MTHFD1L: variants seen among roughly 807,000 people sequenced by gnomAD.
MTHFD1L encodes the protein methylenetetrahydrofolate dehydrogenase (NADP+ dependent) 1 like, also known as monofunctional C1-tetrahydrofolate synthase, mitochondrial.
In MTHFD1L, 81 loss-of-function variants were observed where a neutral mutation model predicts 119.5. The ratio of observed to expected loss-of-function variants is 0.68; its 90% CI spans 0.57 to 0.82. The LOEUF (loss-of-function observed/expected upper bound fraction) is 0.82. MTHFD1L is among the 40% of genes least tolerant of loss of function. The pLI, the probability that MTHFD1L is intolerant of heterozygous loss-of-function variation, is 0.00. For synonymous variants in MTHFD1L, 430 were observed against 475.2 expected, an observed-to-expected ratio of 0.90 and a Z score of 1.24; for missense variants, 1,125 against 1,253.4, an observed-to-expected ratio of 0.90 and a Z score of 1.55.
intron 20 of MTHFD1L, among the ~76,000 whole-genome samples, chr6:150,978,550 A>G (rs1047820392): frequency 1.3e-5 from 2 of 152,160 alleles, no homozygotes; most frequent in Non-Finnish European, 2.9e-5. Flanking sequence ...TGCCTCAGAC[A>G]TTTCAGGATT....
At chr6:150,924,594 G>A (rs534964098) in intron 10 of MTHFD1L, among the ~76,000 whole-genome samples, 34 of 152,066 alleles carry the variant, frequency 2.2e-4, no homozygotes, top group African/African-American at 5.8e-4. Flanking sequence ...GTCCTGCCTC[G>A]GCCTCCCGAG....
intron 18 of MTHFD1L, among the ~76,000 whole-genome samples, chr6:150,964,759 C>T (rs973963649): frequency 2.6e-5 from 4 of 152,190 alleles, no homozygotes; most frequent in Admixed American, 6.5e-5. Context: ...AATGCTATTA[C>T]CCCATCACCA....
chr6:150,943,467 CAGAAAAAAAA>C (rs1403882774), intron 13 of MTHFD1L, among the ~76,000 whole-genome samples: 1 of 148,190 alleles, frequency 6.7e-6, no homozygotes, highest in Non-Finnish European at 1.5e-5. Context: ...TGTGTCTCTA[CAGAAAAAAAA>C]AGAAAAAAAA....
chr6:150,956,949 A>G (rs1037223821), intron 17 of MTHFD1L, among the ~76,000 whole-genome samples: 2 of 152,174 alleles, frequency 1.3e-5, no homozygotes, highest in Admixed American at 6.5e-5. Flanking sequence ...TCAAATATCC[A>G]TGCTAGCAAA....
intron 16 of MTHFD1L, among the ~76,000 whole-genome samples, chr6:150,952,421 G>C (rs572872606): frequency 3.9e-5 from 6 of 152,346 alleles, no homozygotes; most frequent in African/African-American, 1.4e-4. Flanking sequence ...ACTAGAGCAG[G>C]ACAGTCAGGG....
intron 26 of MTHFD1L, among the ~76,000 whole-genome samples, chr6:151,056,254 G>C (rs961859252): frequency 1.3e-5 from 2 of 152,172 alleles, no homozygotes; most frequent in African/African-American, 4.8e-5. Context: ...CTGTGTTTGG[G>C]TGGGTTAGTC....
In MTHFD1L at chr6:150,955,993, A is replaced by C; in HGVS notation, c.1727-2A>C. 6.2e-7 allele frequency: 1 copy of C among 1,612,610 alleles called. No homozygotes were observed. On this transcript the variant is annotated splice_acceptor_variant, in intron 16 of 27. Transcript: ENST00000367321. LOFTEE classifies it high-confidence loss of function. ...CTGAATGACTAATCTGTTCTCTTTC[A>C]GTATTGGATACAAATGACCGATTTC... is the stretch of plus-strand genomic sequence containing the variant.
intron 1 of MTHFD1L, among the ~76,000 whole-genome samples, chr6:150,868,129 A>T (rs1778747610): frequency 6.6e-6 from 1 of 152,150 alleles, no homozygotes; most frequent in Middle Eastern, 3.4e-3. Context: ...GTTTAAAGCC[A>T]TGACTGCCTT....
chr6:150,888,000 A>C lies in MTHFD1L; in HGVS notation c.780+19A>C, dbSNP rs1782602143. On this transcript the variant is annotated intron_variant, in intron 7 of 27. Transcript: ENST00000367321. ...AAGCAAGGTAAATTTCATGTTAGAA[A>C]CATACATCTTGAAGGCTTCTGTTAG... 1 of 1,588,354 alleles carries C rather than the reference A, an allele frequency of 6.3e-7. No individual in the cohort carries two copies. The highest frequency in any genetic ancestry group is 2.3e-5 in the East Asian group (1 of 44,380).
At chr6:151,018,328 G>A (rs554976576) in intron 24 of MTHFD1L, among the ~76,000 whole-genome samples, 1 of 152,172 alleles carries the variant, frequency 6.6e-6, no homozygotes, top group Non-Finnish European at 1.5e-5. Flanking sequence ...GCTTAGCAGC[G>A]TTGTTGATAA....
At chr6:151,047,702 A>G (rs1562593213) in intron 26 of MTHFD1L, among the ~76,000 whole-genome samples, 2 of 152,166 alleles carry the variant, frequency 1.3e-5, no homozygotes, top group Admixed American at 6.5e-5. Flanking sequence ...GACCCATGAA[A>G]GTTACTTACT....
At chr6:151,075,982 T>C (rs561467836) in intron 26 of MTHFD1L, among the ~76,000 whole-genome samples, 79 of 152,186 alleles carry the variant, frequency 5.2e-4, no homozygotes, top group Non-Finnish European at 4.6e-4. Flanking sequence ...CCCAAGAAAA[T>C]ACATGAAAAT....
chr6:151,043,153 T>C (rs1787388942), intron 26 of MTHFD1L, among the ~76,000 whole-genome samples: 1 of 152,056 alleles, frequency 6.6e-6, no homozygotes, highest in African/African-American at 2.4e-5. Flanking sequence ...ACTAAGCAAA[T>C]GCAAGATTGT....
chr6:151,064,948 C>T (rs899224976), intron 26 of MTHFD1L, among the ~76,000 whole-genome samples: 1 of 152,016 alleles, frequency 6.6e-6, no homozygotes, highest in Non-Finnish European at 1.5e-5. Flanking sequence ...GGATTACAGG[C>T]GTGCCACTAC....
At chr6:150,866,411 C>A in intron 1 of MTHFD1L, 1 of 1,356,838 alleles carries the variant, frequency 7.4e-7, no homozygotes, top group Non-Finnish European at 9.4e-7. Context: ...GCGGCTGGGG[C>A]GGAAACCAGG....
chr6:150,894,972 G>A (rs1217014169), intron 7 of MTHFD1L, among the ~76,000 whole-genome samples: 1 of 152,184 alleles, frequency 6.6e-6, no homozygotes, highest in Admixed American at 6.5e-5. Context: ...GCATTTCCAC[G>A]GAGACCCTAG....
At position 150,883,416 on chromosome 6, in the gene MTHFD1L, G is replaced by C. The variant is rs74909019; in HGVS notation, c.542+530G>C. ...CTTTTATAGTGCTTCAATGCCATAT[G>C]ATCTTACACCATCAGATTCATTTAA... On this transcript the variant is annotated intron_variant, in intron 5 of 27. Coordinates refer to ENST00000367321, the MANE Select transcript of MTHFD1L (RefSeq NM_015440.5). 1.6e-4 allele frequency among the ~76,000 whole-genome samples: 25 copies of C among 152,292 alleles called. No individual in the cohort carries two copies. In the East Asian group the frequency reaches 4.0e-3, roughly 25 times the overall value.
chr6:150,932,600 T>G (rs1340063758), intron 11 of MTHFD1L, among the ~76,000 whole-genome samples: 3 of 151,946 alleles, frequency 2.0e-5, no homozygotes, highest in African/African-American at 7.3e-5. Context: ...TGAAACCCCG[T>G]CTCTACTAAA....
At chr6:151,014,816 G>A (rs1782779580) in intron 22 of MTHFD1L, 64 bp from the exon 23 acceptor site, 1 of 1,290,246 alleles carries the variant, frequency 7.8e-7, no homozygotes, top group African/African-American at 1.5e-5. Flanking sequence ...TGGCAGTTTA[G>A]CTTGGCAGGT....
Sources: gnomAD v4.1 joint callset for allele counts (sites outside exome capture counted in the v4.1 genomes callset) on GRCh38, gnomAD v4.1.1 for gene constraint, MANE v1.5 for transcripts, NCBI Gene and HGNC (gene_info 2026-07-23, HGNC 2026-07-21) for gene names.